ZNF600: variants seen among roughly 807,000 people sequenced by gnomAD.
ZNF600 encodes zinc finger protein 600.
Under a neutral mutation model 7.3 loss-of-function variants are expected in ZNF600, and 4 were observed. The observed-to-expected ratio is 0.55, with a 90% CI of 0.27 to 1.25. ZNF600 has a LOEUF of 1.25. Ranked by LOEUF, ZNF600 falls within the 50% of genes most tolerant of loss-of-function variation. The pLI is 0.12. For missense variants in ZNF600, 911 were observed against 922.1 expected (o/e 0.99, Z 0.16); for synonymous variants, 290 against 308.9 (o/e 0.94, Z 0.64).
the ZNF600 span, chr19:52,801,116 A>G: frequency 1.2e-6 from 2 of 1,614,162 alleles, no homozygotes; most frequent in Admixed American, 3.3e-5. Context: ...CATCACATTT[A>G]CATTGTTTCT....
upstream of ZNF600, among the ~76,000 whole-genome samples, chr19:52,787,173 C>T (rs1483029975): frequency 6.6e-6 from 1 of 152,216 alleles, no homozygotes; most frequent in Non-Finnish European, 1.5e-5. Context: ...TCCCTAGGGC[C>T]TCCGCCTGGG....
chr19:52,788,434 A>T (rs1436361141), upstream of ZNF600, among the ~76,000 whole-genome samples: 1 of 152,150 alleles, frequency 6.6e-6, no homozygotes, highest in Non-Finnish European at 1.5e-5. Context: ...TGTAAAAAAA[A>T]ATACGAGATT....
At chr19:52,800,240 T>C in the ZNF600 span, 2 of 1,613,368 alleles carry the variant, frequency 1.2e-6, no homozygotes, top group Non-Finnish European at 1.7e-6. Flanking sequence ...CAAGGTTTGC[T>C]TTTGTACTAA....
At position 52,769,355 on chromosome 19, in the gene ZNF600, A is replaced by T. The variant is rs1031713096; in HGVS notation, c.191-1583T>A. On this transcript the variant is annotated intron_variant, in intron 3 of 3. Transcript: ENST00000648973. ...CTGTACACCTGGCTCTGCCTTCTAG[A>T]TAACAGTAGCAAAATGAGTGAAAGT... Among the ~76,000 whole-genome samples, 25 of 152,276 alleles carry T rather than the reference A, an allele frequency of 1.6e-4. 1 individual carries two copies. Among genetic ancestry groups the T allele is most frequent in the Admixed American group, 1.4e-3 (21 of 15,294 alleles).
chr19:52,771,216 T>C (rs777754386), intron 3 of ZNF600, among the ~76,000 whole-genome samples: 7 of 152,182 alleles, frequency 4.6e-5, no homozygotes, highest in Non-Finnish European at 7.3e-5. Flanking sequence ...TGCAGGAAGG[T>C]GGCTGGGCTA....
the ZNF600 span, among the ~76,000 whole-genome samples, chr19:52,794,332 CCA>C: frequency 6.6e-6 from 1 of 152,140 alleles, no homozygotes; most frequent in Non-Finnish European, 1.5e-5. Context: ...ACAGGAAAAG[CCA>C]CACACTTATT....
At chr19:52,777,610 T>C (rs572153640) in intron 2 of ZNF600, among the ~76,000 whole-genome samples, 29 of 152,188 alleles carry the variant, frequency 1.9e-4, no homozygotes, top group African/African-American at 7.0e-4. Flanking sequence ...GACAGGCAGA[T>C]CATGAGGTCA....
chr19:52,795,371 A>G, the ZNF600 span, among the ~76,000 whole-genome samples: 2 of 152,254 alleles, frequency 1.3e-5, no homozygotes, highest in East Asian at 3.9e-4. Context: ...TATGACACAG[A>G]CTAGAAAGCA....
chr19:52,791,750 G>A (rs2062791247), upstream of ZNF600, among the ~76,000 whole-genome samples: 1 of 152,188 alleles, frequency 6.6e-6, no homozygotes. Flanking sequence ...ACAAGTGTAT[G>A]TTTGACCCTG....
chr19:52,810,131 C>A, the ZNF600 span: 5 of 863,870 alleles, frequency 5.8e-6, no homozygotes, highest in Non-Finnish European at 9.9e-6. Flanking sequence ...CGGGACTGGT[C>A]GAGGGTGACC....
At chr19:52,794,528 G>A in the ZNF600 span, among the ~76,000 whole-genome samples, 2 of 152,118 alleles carry the variant, frequency 1.3e-5, no homozygotes, top group African/African-American at 2.4e-5. Context: ...GTCTGGAAGC[G>A]CCAATAGGCT....
At chr19:52,818,454 T>G in the ZNF600 span, among the ~76,000 whole-genome samples, 1 of 152,166 alleles carries the variant, frequency 6.6e-6, no homozygotes, top group Non-Finnish European at 1.5e-5. Flanking sequence ...GGCTCATGCC[T>G]GTAATACCAA....
exon 4 of ZNF600, chr19:52,766,647 T>A (rs758713877): frequency 6.2e-7 from 1 of 1,614,094 alleles, no homozygotes; most frequent in South Asian, 1.1e-5. Flanking sequence ...AAGGGATGAC[T>A]TGTGACTGAA....
chr19:52,808,626 T>C, the ZNF600 span, among the ~76,000 whole-genome samples: 3 of 142,372 alleles, frequency 2.1e-5, no homozygotes, highest in Non-Finnish European at 4.6e-5. Context: ...AGAAACTCCA[T>C]CTCAAAAAAA....
At chr19:52,766,212 C>T (rs776839409) in exon 4 of ZNF600, 2 of 1,613,430 alleles carry the variant, frequency 1.2e-6, no homozygotes, top group Non-Finnish European at 1.7e-6. Context: ...TCTGCGATGG[C>T]TTGCAAGGTA....
intron 1 of ZNF600, among the ~76,000 whole-genome samples, chr19:52,782,388 T>C (rs2062729823): frequency 6.7e-6 from 1 of 149,364 alleles, no homozygotes; most frequent in African/African-American, 2.5e-5. Context: ...CCGGCCATGG[T>C]GGTGCGTGCC....
At chr19:52,786,669 A>G in exon 1 of ZNF600, 1 of 219,594 alleles carries the variant, frequency 4.6e-6, no homozygotes. Context: ...CCCACGTCCC[A>G]GGGGCAGAAG....
chr19:52,778,756 T>C (rs1600392422), intron 2 of ZNF600, 70 bp downstream of exon 4: 7 of 1,535,202 alleles, frequency 4.6e-6, no homozygotes, highest in South Asian at 1.2e-5. Flanking sequence ...CAGAAAAGAC[T>C]GGCTGCTACA....
chr19:52,799,038 G>T, the ZNF600 span: 2 of 568,318 alleles, frequency 3.5e-6, no homozygotes, highest in South Asian at 1.9e-5. Flanking sequence ...TCTCCAGTAT[G>T]AATTCTCCTG....
Sources: gnomAD v4.1 joint callset for allele counts (sites outside exome capture counted in the v4.1 genomes callset) on GRCh38, gnomAD v4.1.1 for gene constraint, MANE v1.5 for transcripts, NCBI Gene and HGNC (gene_info 2026-07-23, HGNC 2026-07-21) for gene names.